The following STARD13 variants were observed in gnomAD, a reference collection of about 807,000 sequenced individuals.
STARD13 encodes the protein stAR-related lipid transfer protein 13.
A neutral mutation model predicts 106.4 loss-of-function variants in STARD13; 62 were observed. The ratio of observed to expected loss-of-function variants is 0.58; its 90% CI spans 0.48 to 0.72. The LOEUF (loss-of-function observed/expected upper bound fraction) is 0.72. STARD13 is among the 30% of genes least tolerant of loss of function. The pLI, the probability that STARD13 is intolerant of heterozygous loss-of-function variation, is 0.00. For synonymous variants in STARD13, 565 were observed against 553.0 expected, an observed-to-expected ratio of 1.02 and a Z score of -0.31; for missense variants, 1,387 against 1,424.0, an observed-to-expected ratio of 0.97 and a Z score of 0.42.
At chr13:33,642,106 A>G in the STARD13 span, among the ~76,000 whole-genome samples, 2 of 152,224 alleles carry the variant, frequency 1.3e-5, no homozygotes, top group South Asian at 4.1e-4. Context: ...GTATTGATAC[A>G]GAGTACTGGC....
intron 1 of STARD13, among the ~76,000 whole-genome samples, chr13:33,213,228 T>A (rs1256638582): frequency 6.6e-6 from 1 of 152,176 alleles, no homozygotes; most frequent in Non-Finnish European, 1.5e-5. Flanking sequence ...GACATTTCAC[T>A]GCACATATAG....
intron 1 of STARD13, among the ~76,000 whole-genome samples, chr13:33,196,611 C>A (rs535796576): frequency 1.3e-5 from 2 of 152,036 alleles, no homozygotes; most frequent in African/African-American, 2.4e-5. Flanking sequence ...GTGCGGCAGC[C>A]GACATGGACT....
chr13:33,417,386 A>C, the STARD13 span, among the ~76,000 whole-genome samples: 1 of 152,222 alleles, frequency 6.6e-6, no homozygotes, highest in Non-Finnish European at 1.5e-5. Flanking sequence ...TGTTAGAAGG[A>C]AAACTAACGA....
the STARD13 span, among the ~76,000 whole-genome samples, chr13:33,561,594 T>G: frequency 8.3e-6 from 1 of 120,662 alleles, no homozygotes; most frequent in East Asian, 2.6e-4. Context: ...TGAAATTCTT[T>G]ACTGCCTCTG....
downstream of STARD13, among the ~76,000 whole-genome samples, chr13:33,348,039 A>C (rs1199735229): frequency 1.3e-5 from 2 of 152,208 alleles, no homozygotes; most frequent in African/African-American, 2.4e-5. Context: ...CAGGCATCCC[A>C]GCTTGCTTAG....
At chr13:33,112,537 G>A (rs1237036389) in intron 9 of STARD13, among the ~76,000 whole-genome samples, 184 bp downstream of exon 9, 1 of 151,818 alleles carries the variant, frequency 6.6e-6, no homozygotes, top group Non-Finnish European at 1.5e-5. Flanking sequence ...TATCATCTAT[G>A]TATCAACTAT....
intron 1 of STARD13, among the ~76,000 whole-genome samples, chr13:33,203,196 C>G (rs1446139691): frequency 6.6e-6 from 1 of 152,174 alleles, no homozygotes; most frequent in Admixed American, 6.5e-5. Context: ...CACCACACAC[C>G]TGTGTTCACA....
intron 1 of STARD13, among the ~76,000 whole-genome samples, chr13:33,168,152 G>A (rs1170662063): frequency 1.3e-5 from 2 of 151,760 alleles, no homozygotes; most frequent in African/African-American, 2.4e-5. Context: ...GTGTATTATT[G>A]TTTTAAAAAT....
chr13:33,110,662 T>G, intron 11 of STARD13, 24 bp downstream of exon 11: 1 of 1,596,850 alleles, frequency 6.3e-7, no homozygotes, highest in Non-Finnish European at 8.6e-7. Flanking sequence ...CTGGGGGTGA[T>G]CTTTTTCCAT....
intron 3 of STARD13, among the ~76,000 whole-genome samples, chr13:33,163,507 T>A (rs1420936592): frequency 6.7e-6 from 1 of 149,872 alleles, no homozygotes; most frequent in African/African-American, 2.5e-5. Context: ...GGAGAATCAT[T>A]TGAACCCAGG....
At chr13:33,384,894 A>G in the STARD13 span, among the ~76,000 whole-genome samples, 2 of 152,126 alleles carry the variant, frequency 1.3e-5, no homozygotes, top group African/African-American at 4.8e-5. Context: ...CAGATGACCT[A>G]CATATGGAAC....
In STARD13 at chr13:33,142,299, T is replaced by C. The variant is rs760594333; in HGVS notation, c.387+11A>G. The C allele has an allele frequency of 1.5e-5, 24 of 1,609,918 alleles. No individual in the cohort carries two copies. Among genetic ancestry groups the C allele is most frequent in the Non-Finnish European group, 1.2e-5 (14 of 1,176,176 alleles). On this transcript the variant is annotated intron_variant, in intron 4 of 13. Coordinates refer to ENST00000336934, the MANE Select transcript of STARD13 (RefSeq NM_178006.4). Reference sequence around the variant, plus strand: ...GCATAGCCACATTCTTATTAAGGTGTGGGCACCTACCTTTTTCCTTTGGAA... The same window carrying C: ...GCATAGCCACATTCTTATTAAGGTGCGGGCACCTACCTTTTTCCTTTGGAA...
Position 33,324,861 on chromosome 13 carries a change from C to A in STARD13, c.124+25429G>T, listed in dbSNP as rs77181614. Among the ~76,000 whole-genome samples, 159 of 152,264 alleles carry A rather than the reference C, an allele frequency of 1.0e-3. 4 individuals carry two copies. The East Asian group carries it at 0.029, about 28-fold the overall frequency. ...GATTGATTGTGATATGTTGGTCTTC[C>A]ACATCCTTGTCAAGTTTATCCCTAA... On this transcript the variant is annotated intron_variant, in intron 1 of 5. Coordinates refer to the STARD13 transcript ENST00000567873.
chr13:33,140,191 G>A (rs781316212), intron 4 of STARD13, among the ~76,000 whole-genome samples: 8 of 152,212 alleles, frequency 5.3e-5, no homozygotes, highest in Non-Finnish European at 1.2e-4. Flanking sequence ...TGGTGACAGG[G>A]TAAAAATCCA....
At chr13:33,294,163 C>G (rs1892400943) in intron 1 of STARD13, among the ~76,000 whole-genome samples, 1 of 152,186 alleles carries the variant, frequency 6.6e-6, no homozygotes, top group African/African-American at 2.4e-5. Context: ...TCTACCTTAT[C>G]TTTGTATCAG....
chr13:33,569,955 T>C, the STARD13 span, among the ~76,000 whole-genome samples: 1 of 147,242 alleles, frequency 6.8e-6, no homozygotes, highest in African/African-American at 2.5e-5. Flanking sequence ...AGACCACATA[T>C]TGGGTACAGT....
chr13:33,415,943 G>T, the STARD13 span, among the ~76,000 whole-genome samples: 1 of 152,188 alleles, frequency 6.6e-6, no homozygotes, highest in Non-Finnish European at 1.5e-5. Flanking sequence ...GCTCTTAACA[G>T]TGCTATAGCA....
intron 1 of STARD13, among the ~76,000 whole-genome samples, chr13:33,243,359 A>G (rs927479040): frequency 6.6e-6 from 1 of 152,186 alleles, no homozygotes; most frequent in African/African-American, 2.4e-5. Flanking sequence ...CCTATAGGGA[A>G]GGCACAGATT....
At chr13:33,438,607 G>C in the STARD13 span, among the ~76,000 whole-genome samples, 410 of 152,204 alleles carry the variant, frequency 2.7e-3, no homozygotes, top group African/African-American at 9.5e-3. Context: ...TGATAGGTTC[G>C]GCACACTCAC....
Sources: allele counts gnomAD v4.1 joint callset (sites outside exome capture counted in the v4.1 genomes callset), GRCh38; gene constraint gnomAD v4.1.1; transcripts MANE v1.5; gene names NCBI Gene and HGNC (gene_info 2026-07-23, HGNC 2026-07-21).